The following CTNNA2 variants were observed in gnomAD, a reference collection of about 807,000 sequenced individuals.
CTNNA2 encodes the protein catenin alpha-2.
A neutral mutation model predicts 101.0 loss-of-function variants in CTNNA2; 42 were observed. The ratio of observed to expected loss-of-function variants is 0.42; its 90% confidence interval spans 0.32 to 0.54. The LOEUF is 0.54. Among genes scored for constraint, CTNNA2 ranks in the 20% least tolerant of loss-of-function variants. The pLI, the probability that CTNNA2 is intolerant of heterozygous loss-of-function variation, is 0.14. For missense variants in CTNNA2, 871 were observed against 1,223.1 expected (o/e 0.71, Z 4.29); for synonymous variants, 450 against 456.4 (o/e 0.99, Z 0.18).
chr2:80,494,684 G>GTGTTAAAATATAATTT (rs1553536254), intron 9 of CTNNA2, among the ~76,000 whole-genome samples: 1 of 150,252 alleles, frequency 6.7e-6, no homozygotes. Flanking sequence ...TAGACGAAGG[G>GTGTTAAAATATAATTT]ACAGTTTAGC....
At chr2:79,481,704 C>T (rs1195746473) in intron 4 of CTNNA2, among the ~76,000 whole-genome samples, 1 of 152,084 alleles carries the variant, frequency 6.6e-6, no homozygotes, top group African/African-American at 2.4e-5. Flanking sequence ...AATCCAAACT[C>T]ATCAAGTTGT....
At chr2:80,083,727 C>A (rs953135887) in intron 7 of CTNNA2, among the ~76,000 whole-genome samples, 1 of 152,058 alleles carries the variant, frequency 6.6e-6, no homozygotes, top group South Asian at 2.1e-4. Context: ...GAGTAAGGAA[C>A]CTTGCTATTT....
At chr2:79,693,771 T>C (rs1391363246) in intron 2 of CTNNA2, among the ~76,000 whole-genome samples, 1 of 151,838 alleles carries the variant, frequency 6.6e-6, no homozygotes, top group East Asian at 1.9e-4. Context: ...TTCTACCTTC[T>C]CCAGAAATAT....
chr2:79,424,903 T>A (rs1678577368), intron 4 of CTNNA2, among the ~76,000 whole-genome samples: 1 of 152,152 alleles, frequency 6.6e-6, no homozygotes, highest in East Asian at 1.9e-4. Context: ...TGGAAATGGA[T>A]GGATGAATTG....
chr2:79,899,259 C>T (rs896243787), intron 6 of CTNNA2, among the ~76,000 whole-genome samples: 1 of 152,120 alleles, frequency 6.6e-6, no homozygotes, highest in African/African-American at 2.4e-5. Flanking sequence ...TTTGGATACT[C>T]ACTTTCTAAT....
chr2:80,206,647 T>C (rs2149028098), intron 7 of CTNNA2, among the ~76,000 whole-genome samples: 1 of 152,278 alleles, frequency 6.6e-6, no homozygotes, highest in Non-Finnish European at 1.5e-5. Flanking sequence ...GTTACCTGCA[T>C]CTTGTACTCA....
chr2:79,424,367 C>A (rs1475541241), intron 4 of CTNNA2, among the ~76,000 whole-genome samples: 1 of 152,016 alleles, frequency 6.6e-6, no homozygotes, highest in Non-Finnish European at 1.5e-5. Flanking sequence ...GAAAAATATT[C>A]TTTTTCAAGT....
At chr2:79,746,832 T>C (rs1476000258) in intron 3 of CTNNA2, among the ~76,000 whole-genome samples, 2 of 152,196 alleles carry the variant, frequency 1.3e-5, no homozygotes, top group Non-Finnish European at 2.9e-5. Context: ...TAATTAAGTA[T>C]TTGTGAGGTG....
At chr2:80,057,429 C>T (rs931573533) in intron 7 of CTNNA2, among the ~76,000 whole-genome samples, 2 of 152,076 alleles carry the variant, frequency 1.3e-5, no homozygotes, top group Admixed American at 1.3e-4. Context: ...TATTTTTAGG[C>T]CCTAAATGTT....
intron 9 of CTNNA2, among the ~76,000 whole-genome samples, chr2:80,526,097 G>A (rs1420208801): frequency 6.6e-6 from 1 of 152,182 alleles, no homozygotes; most frequent in African/African-American, 2.4e-5. Flanking sequence ...GGGATCTCTA[G>A]AATGTGCTTT....
In CTNNA2 at chr2:79,720,392, A is replaced by T. The variant is rs117270013; in HGVS notation, c.103-23995A>T. On this transcript the variant is annotated intron_variant, in intron 2 of 18. Coordinates refer to ENST00000402739, the MANE Select transcript of CTNNA2 (RefSeq NM_001282597.3). ...GCAATTCAGACTCTTTTTTGGTTCCATATTACTTAAAAATTTTTTTTTCTA... is the reference window on the plus strand; with the variant it reads ...GCAATTCAGACTCTTTTTTGGTTCCTTATTACTTAAAAATTTTTTTTTCTA... Among the ~76,000 whole-genome samples, 1,506 of 152,152 alleles carry T rather than the reference A, an allele frequency of 9.9e-3. 63 individuals are homozygous for T. The East Asian group carries it at 0.12, about 12-fold the overall frequency.
chr2:79,797,648 AAG>A (rs1443314382), intron 3 of CTNNA2, among the ~76,000 whole-genome samples: 1 of 130,096 alleles, frequency 7.7e-6, no homozygotes, highest in African/African-American at 3.2e-5. Flanking sequence ...GTGACAGAGC[AAG>A]ACTCTGTCTT....
chr2:80,569,479 T>G (rs1475582892), intron 12 of CTNNA2, among the ~76,000 whole-genome samples: 2 of 152,020 alleles, frequency 1.3e-5, no homozygotes, highest in African/African-American at 4.8e-5. Flanking sequence ...AAGCTTCTAT[T>G]TATATTCCTA....
intron 4 of CTNNA2, among the ~76,000 whole-genome samples, chr2:79,861,026 C>T (rs1348445676): frequency 6.6e-6 from 1 of 152,184 alleles, no homozygotes; most frequent in Non-Finnish European, 1.5e-5. Flanking sequence ...AAAATATTTA[C>T]ACCTTTCTCA....
chr2:79,843,969 C>G (rs1037974471), intron 3 of CTNNA2, among the ~76,000 whole-genome samples: 16 of 152,184 alleles, frequency 1.1e-4, no homozygotes, highest in African/African-American at 3.9e-4. Flanking sequence ...AGGTTATTCT[C>G]TCTATAGGCA....
intron 7 of CTNNA2, among the ~76,000 whole-genome samples, chr2:80,272,198 C>T (rs555330539): frequency 6.6e-5 from 10 of 152,270 alleles, no homozygotes; most frequent in East Asian, 1.9e-4. Context: ...TCACTAAATT[C>T]GTTTAAAGAA....
chr2:79,397,900 T>C (rs1233099900), intron 4 of CTNNA2, among the ~76,000 whole-genome samples: 4 of 152,094 alleles, frequency 2.6e-5, no homozygotes, highest in Non-Finnish European at 5.9e-5. Flanking sequence ...ATACCTTCAT[T>C]TCCCTTTGAA....
At chr2:79,679,558 C>T (rs1683416485) in intron 2 of CTNNA2, among the ~76,000 whole-genome samples, 1 of 152,070 alleles carries the variant, frequency 6.6e-6, no homozygotes, top group South Asian at 2.1e-4. Flanking sequence ...CTGTAAACCG[C>T]CCCATGCTGG....
At chr2:79,470,122 G>A (rs1412757857) in intron 4 of CTNNA2, among the ~76,000 whole-genome samples, 3 of 152,036 alleles carry the variant, frequency 2.0e-5, no homozygotes, top group South Asian at 2.1e-4. Context: ...ATTAAAGAAA[G>A]TTTTAAAAAT....
Sources: allele counts gnomAD v4.1 joint callset (sites outside exome capture counted in the v4.1 genomes callset), GRCh38; gene constraint gnomAD v4.1.1; transcripts MANE v1.5; gene names NCBI Gene and HGNC (gene_info 2026-07-23, HGNC 2026-07-21).